Variants in CCSER1 observed in about 807,000 individuals in gnomAD.
CCSER1 encodes the protein serine-rich coiled-coil domain-containing protein 1.
Under a neutral mutation model 82.0 loss-of-function variants are expected in CCSER1, and 41 were observed. The ratio of observed to expected loss-of-function variants is 0.50; its 90% CI spans 0.39 to 0.65. The LOEUF is 0.65. Among genes scored for constraint, CCSER1 ranks in the 30% least tolerant of loss-of-function variants. CCSER1 has a pLI of 0.00. For synonymous variants in CCSER1, 414 were observed against 383.9 expected, an observed-to-expected ratio of 1.08 and a Z score of -0.92; for missense variants, 1,119 against 1,064.2, an observed-to-expected ratio of 1.05 and a Z score of -0.72.
At chr4:90,576,582 G>T (rs1020004541) in intron 5 of CCSER1, among the ~76,000 whole-genome samples, 2 of 151,878 alleles carry the variant, frequency 1.3e-5, no homozygotes, top group Non-Finnish European at 2.9e-5. Context: ...CCATAGTTTC[G>T]CTTTTTCCAG....
intron 9 of CCSER1, among the ~76,000 whole-genome samples, chr4:91,011,947 A>G (rs904533232): frequency 7.4e-6 from 1 of 134,246 alleles, no homozygotes; most frequent in African/African-American, 2.5e-5. Context: ...TGCAGCTTAG[A>G]CTCTAGGGAG....
chr4:91,136,970 C>G (rs1581624283), intron 10 of CCSER1, among the ~76,000 whole-genome samples: 1 of 151,362 alleles, frequency 6.6e-6, no homozygotes, highest in Non-Finnish European at 1.5e-5. Context: ...ATAGGGAATT[C>G]AAAAATTCAC....
chr4:91,079,185 T>G (rs2148794183), intron 9 of CCSER1, among the ~76,000 whole-genome samples: 1 of 152,222 alleles, frequency 6.6e-6, no homozygotes, highest in Admixed American at 6.5e-5. Context: ...ACAGGTCAGG[T>G]TACCCACAAA....
At chr4:90,804,648 T>C (rs1757272884) in intron 7 of CCSER1, among the ~76,000 whole-genome samples, 1 of 152,176 alleles carries the variant, frequency 6.6e-6, no homozygotes, top group African/African-American at 2.4e-5. Context: ...TTCAAAATAA[T>C]TTATGGATTT....
rs541100373 is a variant in CCSER1 at position 91,361,931 on chromosome 4, G to A, written c.2218-236641G>A. On this transcript the variant is annotated intron_variant, in intron 10 of 10. Transcript: ENST00000509176. Reference sequence around the variant, plus strand: ...AAAAATATACAAAGAAAAATAAAATGGGGAGGGTATTTGGCGCTATTTTAC... The same window carrying A: ...AAAAATATACAAAGAAAAATAAAATAGGGAGGGTATTTGGCGCTATTTTAC... Among the ~76,000 whole-genome samples the A allele has an allele frequency of 2.9e-4, 44 of 151,780 alleles. 1 individual carries two copies. The South Asian group carries it at 4.6e-3, about 16-fold the overall frequency.
At chr4:90,792,340 C>A (rs755310610) in intron 7 of CCSER1, among the ~76,000 whole-genome samples, 7 of 152,312 alleles carry the variant, frequency 4.6e-5, no homozygotes, top group South Asian at 2.1e-4. Context: ...TTAGGAAAGT[C>A]TTTTCTCTCT....
intron 4 of CCSER1, among the ~76,000 whole-genome samples, chr4:90,428,934 G>A (rs914234766): frequency 5.3e-5 from 8 of 151,806 alleles, no homozygotes; most frequent in African/African-American, 1.9e-4. Flanking sequence ...TCCTGGAATA[G>A]CAGAGGGATA....
intron 8 of CCSER1, among the ~76,000 whole-genome samples, chr4:90,847,084 A>C (rs922263997): frequency 6.6e-6 from 1 of 152,214 alleles, no homozygotes; most frequent in African/African-American, 2.4e-5. Flanking sequence ...ATTTACCAAT[A>C]TGTTCTTAGC....
intron 3 of CCSER1, among the ~76,000 whole-genome samples, chr4:90,359,751 TAAATA>T (rs1020191953): frequency 2.8e-5 from 4 of 143,096 alleles, no homozygotes; most frequent in South Asian, 2.4e-4. Flanking sequence ...AAAATAAAAA[TAAATA>T]AAATAAATAA....
At chr4:90,577,351 C>T (rs1401482858) in intron 5 of CCSER1, among the ~76,000 whole-genome samples, 1 of 151,868 alleles carries the variant, frequency 6.6e-6, no homozygotes, top group Non-Finnish European at 1.5e-5. Flanking sequence ...AGTGAGTGTC[C>T]CTGGATTTTT....
chr4:91,505,100 C>T (rs1210287492), intron 10 of CCSER1, among the ~76,000 whole-genome samples: 1 of 152,124 alleles, frequency 6.6e-6, no homozygotes, highest in Non-Finnish European at 1.5e-5. Flanking sequence ...CTTCCCCTAC[C>T]CCACTGACAG....
chr4:90,417,581 A>G (rs1756012813), intron 4 of CCSER1, among the ~76,000 whole-genome samples: 1 of 152,154 alleles, frequency 6.6e-6, no homozygotes, highest in Non-Finnish European at 1.5e-5. Context: ...TTTATTTAGT[A>G]TATTAGATCT....
intron 10 of CCSER1, among the ~76,000 whole-genome samples, chr4:91,365,490 G>T (rs1749549421): frequency 6.6e-6 from 1 of 152,132 alleles, no homozygotes; most frequent in African/African-American, 2.4e-5. Flanking sequence ...AATTAGAGAG[G>T]ATCTAGAGAA....
intron 10 of CCSER1, among the ~76,000 whole-genome samples, chr4:91,404,028 G>C (rs1752518408): frequency 1.3e-5 from 2 of 152,034 alleles, no homozygotes. Flanking sequence ...TCTGGTCCTG[G>C]ACTTTTTTTG....
At chr4:91,361,189 T>C (rs765344491) in intron 10 of CCSER1, among the ~76,000 whole-genome samples, 17 of 151,882 alleles carry the variant, frequency 1.1e-4, no homozygotes, top group Non-Finnish European at 2.4e-4. Context: ...TTATTATTCT[T>C]GGTCATTAAT....
At chr4:90,493,540 G>A (rs939118879) in intron 5 of CCSER1, among the ~76,000 whole-genome samples, 1 of 152,162 alleles carries the variant, frequency 6.6e-6, no homozygotes, top group Admixed American at 6.5e-5. Flanking sequence ...ACAAAGGGAA[G>A]CCCATCAGAC....
intron 4 of CCSER1, among the ~76,000 whole-genome samples, chr4:90,467,350 C>A (rs1431922624): frequency 6.6e-6 from 1 of 151,758 alleles, no homozygotes; most frequent in African/African-American, 2.4e-5. Context: ...TGCCACTGCT[C>A]TCCAGCCTGG....
intron 10 of CCSER1, among the ~76,000 whole-genome samples, chr4:91,534,246 A>C (rs368402542): frequency 1.2e-4 from 18 of 152,138 alleles, no homozygotes; most frequent in African/African-American, 4.1e-4. Flanking sequence ...ATAGTCTCTT[A>C]AATCTGCTAT....
chr4:91,019,398 T>C (rs1225261137), intron 9 of CCSER1, among the ~76,000 whole-genome samples: 6 of 152,138 alleles, frequency 3.9e-5, no homozygotes, highest in Non-Finnish European at 4.4e-5. Flanking sequence ...TCATGACTTA[T>C]TGATTCTAAA....
Sources: allele counts gnomAD v4.1 joint callset (sites outside exome capture counted in the v4.1 genomes callset), GRCh38; gene constraint gnomAD v4.1.1; transcripts MANE v1.5; gene names NCBI Gene and HGNC (gene_info 2026-07-23, HGNC 2026-07-21).